SCART1: variants seen among roughly 807,000 people sequenced by gnomAD.
SCART1 encodes scavenger receptor family member expressed on T cells 1.
Under a neutral mutation model 36.2 loss-of-function variants are expected in SCART1, and 62 were observed. The ratio of observed to expected loss-of-function variants is 1.71; its 90% CI spans 1.40 to 2.12. The LOEUF is 2.12. Ranked by LOEUF, SCART1 falls within the 30% of genes most tolerant of loss-of-function variation. The probability of loss-of-function intolerance (pLI) is 0.00; values close to 1 mark genes in which losing one functional copy is unlikely to be tolerated. For missense variants in SCART1, 1,041 were observed against 540.5 expected (o/e 1.93, Z -9.18); for synonymous variants, 487 against 238.7 (o/e 2.04, Z -9.59).
exon 6 of SCART1, chr10:133,459,786 G>A (rs1181110534): frequency 3.0e-6 from 2 of 673,710 alleles, no homozygotes; most frequent in East Asian, 2.8e-5. Flanking sequence ...CTCGCGGGAC[G>A]CCGGCGTGGT....
chr10:133,457,328 G>A (rs1227978942), exon 3 of SCART1: 51 of 694,156 alleles, frequency 7.3e-5, no homozygotes, highest in Middle Eastern at 7.0e-4. Flanking sequence ...GTCCCTGCGC[G>A]GGACTCCCCG....
At chr10:133,463,733 T>C (rs532767704) in intron 6 of SCART1, among the ~76,000 whole-genome samples, 3 of 152,274 alleles carry the variant, frequency 2.0e-5, no homozygotes, top group Admixed American at 6.5e-5. Context: ...ATGGGGTTCA[T>C]AGTGGTGTTT....
chr10:133,462,554 G>A (rs919830561), intron 6 of SCART1, among the ~76,000 whole-genome samples: 1 of 152,202 alleles, frequency 6.6e-6, no homozygotes, highest in Non-Finnish European at 1.5e-5. Flanking sequence ...TGAAATTAAT[G>A]CTGAGTAACC....
At chr10:133,468,877 A>AT (rs1426241197) in exon 12 of SCART1, 1 of 151,970 alleles carries the variant, frequency 6.6e-6, no homozygotes, top group Admixed American at 6.6e-5. Flanking sequence ...ATGATGTGTA[A>AT]TTTTTTTCTT....
chr10:133,460,490 T>TATATATATATATATATATATATATA (rs1564834608), intron 6 of SCART1, among the ~76,000 whole-genome samples: 1 of 102,930 alleles, frequency 9.7e-6, no homozygotes, highest in African/African-American at 4.0e-5. Flanking sequence ...ATATATATAT[T>TATATATATATATATATATATATATA]TATATATTTT....
intron 3 of SCART1, chr10:133,458,059 C>T (rs1850641824): frequency 4.9e-6 from 3 of 612,582 alleles, no homozygotes; most frequent in Admixed American, 5.4e-5. Context: ...CCTGACCTCG[C>T]CTCTGGGATT....
At chr10:133,465,342 C>T (rs746825505) in exon 9 of SCART1, 5 of 688,756 alleles carry the variant, frequency 7.3e-6, no homozygotes, top group South Asian at 6.1e-5. Context: ...CCGTGTGCGA[C>T]GATGGCTGGG....
At chr10:133,469,334 T>C (rs562044591), downstream of SCART1, among the ~76,000 whole-genome samples, 3 of 152,330 alleles carry the variant, frequency 2.0e-5, no homozygotes, top group South Asian at 6.2e-4. Flanking sequence ...GTAGGTTGCC[T>C]GTTCACTCTG....
At chr10:133,454,637 G>A (rs564208591) in intron 1 of SCART1, among the ~76,000 whole-genome samples, 2 of 152,256 alleles carry the variant, frequency 1.3e-5, no homozygotes, top group South Asian at 2.1e-4. Flanking sequence ...ACCTGCGTAC[G>A]TGGGCATGGA....
exon 6 of SCART1, chr10:133,459,582 G>C: frequency 1.5e-6 from 1 of 674,936 alleles, no homozygotes; most frequent in South Asian, 1.6e-5. Flanking sequence ...CGTCCTGGAC[G>C]ATGCCTGGGA....
At chr10:133,460,036 G>T in exon 6 of SCART1, 1 of 516,060 alleles carries the variant, frequency 1.9e-6, no homozygotes, top group Non-Finnish European at 3.4e-6. Context: ...GCACACTTCG[G>T]AGCCGGGGCA....
Position 133,456,234 on chromosome 10 carries a change from T to C in SCART1, c.68-3T>C. ...CCCTCTAACTGGACCTGTCTGTCTG[T>C]AGGTGGACCAGGTGCTCTGAGGCTG... On this transcript the variant is annotated splice_region_variant and splice_polypyrimidine_tract_variant and intron_variant, in intron 1 of 11. Transcript: ENST00000640237. 1.4e-6 allele frequency: 1 copy of C among 701,812 alleles called. No homozygotes were observed. Among genetic ancestry groups the C allele is most frequent in the Non-Finnish European group, 2.6e-6 (1 of 384,280 alleles). 43.5% of individuals were successfully genotyped at this position (701,812 alleles called of 1,614,324 possible).
chr10:133,465,741 T>G, intron 9 of SCART1, 176 bp downstream of exon 9: 1 of 644,448 alleles, frequency 1.6e-6, no homozygotes, highest in South Asian at 1.8e-5. Flanking sequence ...GTTTGGGACA[T>G]GCACTCCCTG....
intron 2 of SCART1, 55 bp downstream of exon 2, chr10:133,456,609 CGAG>C (rs911901390): frequency 8.3e-6 from 5 of 603,390 alleles, no homozygotes; most frequent in East Asian, 2.8e-5. Context: ...AGTGGGAGGA[CGAG>C]GAGGAGGACT....
chr10:133,454,765 C>A (rs911010197), intron 1 of SCART1, among the ~76,000 whole-genome samples: 1 of 152,124 alleles, frequency 6.6e-6, no homozygotes, highest in South Asian at 2.1e-4. Flanking sequence ...TGGTGCTGGA[C>A]GGAGCCACAT....
chr10:133,465,595 TG>T, intron 9 of SCART1, 30 bp downstream of exon 9: 1 of 572,628 alleles, frequency 1.7e-6, no homozygotes, highest in Non-Finnish European at 3.1e-6. Flanking sequence ...AAGTCGGTCA[TG>T]GGGCCGGCAG....
rs1460628920 is a variant in SCART1 at position 133,468,892 on chromosome 10, TGTA to T, written c.*928_*930del. ...ATGATGTGTAATTTTTTTCTTTTATTGTAGTATTTCTGTTTAATTTTTGGTATG... is the reference window on the plus strand; with the variant it reads ...ATGATGTGTAATTTTTTTCTTTTATTGTATTTCTGTTTAATTTTTGGTATG... On this transcript the variant is annotated 3_prime_UTR_variant, in exon 12 of 12. Coordinates refer to ENST00000640237, the Ensembl canonical transcript of SCART1. 4.6e-5 allele frequency: 7 copies of T among 152,320 alleles called. No individual in the cohort carries two copies. The East Asian group carries it at 5.8e-4, about 13-fold the overall frequency. The allele number at this position is 152,320 out of a possible 1,614,324, so 9.4% of individuals were successfully genotyped here. A position where few individuals can be genotyped will look rare whatever the true frequency, so the allele number is the denominator to read the frequency against.
chr10:133,455,630 G>T (rs1280777456), intron 1 of SCART1, among the ~76,000 whole-genome samples: 1 of 152,076 alleles, frequency 6.6e-6, no homozygotes, highest in Admixed American at 6.5e-5. Context: ...GTGGTTAGGG[G>T]TGCCTCCGTG....
At chr10:133,464,523 C>A in intron 6 of SCART1, 83 bp from the exon 7 acceptor site, 1 of 605,400 alleles carries the variant, frequency 1.7e-6, no homozygotes, top group South Asian at 1.9e-5. Context: ...TGCTGGGACC[C>A]CTTGAGCTTA....
Sources: allele counts gnomAD v4.1 joint callset (sites outside exome capture counted in the v4.1 genomes callset), GRCh38; gene constraint gnomAD v4.1.1; transcripts MANE v1.5; gene names NCBI Gene and HGNC (gene_info 2026-07-23, HGNC 2026-07-21).